GNG12: variants seen among roughly 807,000 people sequenced by gnomAD.
The protein encoded by GNG12 is guanine nucleotide-binding protein G(I)/G(S)/G(O) subunit gamma-12.
For missense variants in GNG12, 69 were observed against 83.8 expected (o/e 0.82, Z 0.69); for synonymous variants, 28 against 29.7 (o/e 0.94, Z 0.19).
intron 2 of GNG12, among the ~76,000 whole-genome samples, chr1:67,757,431 C>T (rs1646576285): frequency 6.6e-6 from 1 of 152,202 alleles, no homozygotes; most frequent in Non-Finnish European, 1.5e-5. Context: ...CCAGAATCTC[C>T]TTTGGCTCAT....
intron 1 of GNG12, among the ~76,000 whole-genome samples, chr1:67,801,955 G>C (rs192453340): frequency 5.3e-5 from 8 of 150,966 alleles, no homozygotes; most frequent in South Asian, 2.1e-4. Context: ...AAGAAGGAAG[G>C]GGGGTGAGGA....
At chr1:67,746,982 C>G (rs1013042356) in intron 2 of GNG12, among the ~76,000 whole-genome samples, 7 of 151,644 alleles carry the variant, frequency 4.6e-5, no homozygotes, top group African/African-American at 1.7e-4. Context: ...ATAATTCACT[C>G]TAAATAAGTA....
At chr1:67,756,874 G>A (rs1646572094) in intron 2 of GNG12, among the ~76,000 whole-genome samples, 1 of 152,180 alleles carries the variant, frequency 6.6e-6, no homozygotes, top group South Asian at 2.1e-4. Context: ...CTGTACCAGG[G>A]CTTCTCAGCC....
chr1:67,731,289 C>T (rs915148173), intron 2 of GNG12, among the ~76,000 whole-genome samples: 4 of 152,082 alleles, frequency 2.6e-5, no homozygotes, highest in East Asian at 3.8e-4. Context: ...TCTGGTAGGC[C>T]CTGAGGATGT....
rs1646241111 is a variant in GNG12, at chr1:67,705,427, G to GC, written c.*23dup. Reference sequence around the variant, plus strand: ...TCATAATTTGCGTTGTTGGGAAGAGGCGAGGAGCTGTTTCTCTATTCCACT... The same window carrying GC: ...TCATAATTTGCGTTGTTGGGAAGAGGCCGAGGAGCTGTTTCTCTATTCCACT... On this transcript the variant is annotated 3_prime_UTR_variant, in exon 4 of 4. Transcript: ENST00000370982. The GC allele has an allele frequency of 1.2e-6, 2 of 1,611,684 alleles. No individual in the cohort carries two copies. Among genetic ancestry groups the GC allele is most frequent in the Non-Finnish European group, 1.7e-6 (2 of 1,179,146 alleles).
intron 2 of GNG12, among the ~76,000 whole-genome samples, chr1:67,741,736 T>C (rs962199673): frequency 1.3e-5 from 2 of 152,356 alleles, no homozygotes; most frequent in Admixed American, 6.5e-5. Context: ...AAGTCCCAAA[T>C]TGGCATTTGG....
intron 2 of GNG12, among the ~76,000 whole-genome samples, chr1:67,771,380 G>A (rs1352926738): frequency 6.6e-6 from 1 of 152,210 alleles, no homozygotes; most frequent in African/African-American, 2.4e-5. Context: ...TAGGCAACTT[G>A]CCCAGGGTCA....
chr1:67,816,133 T>A (rs1180571407), intron 1 of GNG12, among the ~76,000 whole-genome samples: 1 of 152,216 alleles, frequency 6.6e-6, no homozygotes, highest in Non-Finnish European at 1.5e-5. Flanking sequence ...CTTGAGACTT[T>A]TTTTTCTTTT....
intron 2 of GNG12, among the ~76,000 whole-genome samples, chr1:67,708,984 C>T (rs1646265726): frequency 6.6e-6 from 1 of 152,236 alleles, no homozygotes; most frequent in Admixed American, 6.5e-5. Flanking sequence ...CACGTGGGCA[C>T]CACGGTGCTC....
intron 2 of GNG12, among the ~76,000 whole-genome samples, chr1:67,743,415 ATAGCATAAATGTC>A (rs1557602680): frequency 6.6e-6 from 1 of 152,248 alleles, no homozygotes; most frequent in Non-Finnish European, 1.5e-5. Context: ...ATCTAACCTC[ATAGCATAAATGTC>A]TCCATACAGC....
chr1:67,828,068 C>A (rs1346946732), intron 1 of GNG12, among the ~76,000 whole-genome samples: 3 of 152,170 alleles, frequency 2.0e-5, no homozygotes, highest in Non-Finnish European at 4.4e-5. Context: ...GGTTCTAGAA[C>A]AGGATTTAGC....
At position 67,798,481 on chromosome 1, in the gene GNG12, A is replaced by G. The variant is rs114439062; in HGVS notation, c.-76-20974T>C. Among the ~76,000 whole-genome samples, 421 of 152,176 alleles carry G rather than the reference A, an allele frequency of 2.8e-3. 1 individual carries two copies. The highest frequency in any genetic ancestry group is 1.0e-2 in the African/African-American group (415 of 41,530). On this transcript the variant is annotated intron_variant, in intron 1 of 3. Coordinates refer to ENST00000370982, the MANE Select transcript of GNG12 (RefSeq NM_018841.6). ...ATATTTTTAGAGAAATGGAAGAGAAAAAGGTCAGACAGAAATTATGATGTA... is the reference window on the plus strand; with the variant it reads ...ATATTTTTAGAGAAATGGAAGAGAAGAAGGTCAGACAGAAATTATGATGTA...
intron 2 of GNG12, among the ~76,000 whole-genome samples, chr1:67,755,635 T>C (rs951316541): frequency 3.3e-5 from 5 of 152,166 alleles, no homozygotes; most frequent in African/African-American, 1.2e-4. Flanking sequence ...ATGAACAAAA[T>C]ATAAAAGCTC....
At chr1:67,771,079 A>AACCAGAAAAGTC (rs1646671958) in intron 2 of GNG12, among the ~76,000 whole-genome samples, 1 of 152,198 alleles carries the variant, frequency 6.6e-6, no homozygotes, top group Non-Finnish European at 1.5e-5. Flanking sequence ...CCAGAAAAGT[A>AACCAGAAAAGTC]ACCAGAAAAG....
intron 2 of GNG12, among the ~76,000 whole-genome samples, chr1:67,737,458 A>T (rs112326484): frequency 1.3e-5 from 2 of 152,216 alleles, no homozygotes; most frequent in African/African-American, 4.8e-5. Flanking sequence ...CAGGGTCAAG[A>T]AACCGAGGGT....
At chr1:67,811,692 T>G (rs17474654) in intron 1 of GNG12, among the ~76,000 whole-genome samples, 12,542 of 152,248 alleles carry the variant, frequency 0.082, 671 homozygotes, top group Non-Finnish European at 0.099. Flanking sequence ...CTGTACCCTA[T>G]TCACATCAGG....
intron 2 of GNG12, among the ~76,000 whole-genome samples, chr1:67,736,749 G>A (rs1282188483): frequency 6.6e-6 from 1 of 152,174 alleles, no homozygotes; most frequent in Non-Finnish European, 1.5e-5. Context: ...GACTGAGTTG[G>A]GGGATGATTA....
chr1:67,712,257 A>G (rs565666099), intron 2 of GNG12, among the ~76,000 whole-genome samples: 33 of 152,374 alleles, frequency 2.2e-4, no homozygotes, highest in Admixed American at 2.1e-3. Flanking sequence ...AATAGCTTCC[A>G]AGGCAAACAA....
intron 2 of GNG12, among the ~76,000 whole-genome samples, chr1:67,716,461 C>T (rs1194395824): frequency 6.6e-6 from 1 of 152,238 alleles, no homozygotes; most frequent in Non-Finnish European, 1.5e-5. Context: ...AAATTCCATG[C>T]AGCATTGCAT....
Sources: allele counts gnomAD v4.1 joint callset (sites outside exome capture counted in the v4.1 genomes callset), GRCh38; gene constraint gnomAD v4.1.1; transcripts MANE v1.5; gene names NCBI Gene and HGNC (gene_info 2026-07-23, HGNC 2026-07-21).